Variants in AHI1 observed in about 807,000 individuals in gnomAD.
AHI1 encodes jouberin.
A neutral mutation model predicts 149.3 loss-of-function variants in AHI1; 123 were observed. The ratio of observed to expected loss-of-function variants is 0.82; its 90% confidence interval spans 0.71 to 0.96. The LOEUF (loss-of-function observed/expected upper bound fraction) is 0.96, where lower values mean the gene tolerates loss of function less well. AHI1 is among the 40% of genes least tolerant of loss of function. AHI1 has a pLI of 0.00. For missense variants in AHI1, 1,439 were observed against 1,422.7 expected (o/e 1.01, Z -0.18); for synonymous variants, 475 against 459.8 (o/e 1.03, Z -0.42).
intron 5 of AHI1, among the ~76,000 whole-genome samples, chr6:135,482,816 T>C (rs1308828672): frequency 6.6e-6 from 1 of 151,122 alleles, no homozygotes; most frequent in African/African-American, 2.4e-5. Context: ...CTGGATTTTG[T>C]TGGGAATCCT....
intron 24 of AHI1, among the ~76,000 whole-genome samples, chr6:135,339,024 T>A (rs762050468): frequency 6.6e-6 from 1 of 150,838 alleles, no homozygotes; most frequent in Non-Finnish European, 1.5e-5. Context: ...GCCTACCGGG[T>A]TCAAGTGATC....
chr6:135,401,069 TA>T (rs1363438699), intron 22 of AHI1, among the ~76,000 whole-genome samples: 1 of 152,230 alleles, frequency 6.6e-6, no homozygotes, highest in African/African-American at 2.4e-5. Context: ...GCTTGCTCAC[TA>T]CACTACTTAA....
At chr6:135,344,887 C>A (rs1161456549) in intron 24 of AHI1, among the ~76,000 whole-genome samples, 1 of 148,632 alleles carries the variant, frequency 6.7e-6, no homozygotes, top group East Asian at 2.0e-4. Context: ...TTTCTGAAAA[C>A]CAAAAATTAT....
chr6:135,433,170 G>A lies in AHI1; in HGVS notation c.2123C>T (p.Ala708Val). The change falls in exon 16 of 29, where the codon GCT becomes GTT. Residue 708 changes from alanine (A) to valine (V), a missense_variant. Ala to Val is a moderately conservative substitution (Grantham distance 64, BLOSUM62 0). Transcript: ENST00000265602. ...TCCTGTAACTACTAGCTCTCTTACAGCTGGATGGAATTTAGCCGTGTAAAC... is the reference window on the plus strand; with the variant it reads ...TCCTGTAACTACTAGCTCTCTTACAACTGGATGGAATTTAGCCGTGTAAAC... The part of the protein sequence containing the change: ...SFVYTAKFHP[A>V]VRELVVTGCY... 1 of 1,613,084 alleles carries A rather than the reference G, an allele frequency of 6.2e-7. No homozygotes were observed. The highest frequency in any genetic ancestry group is 1.3e-5 in the African/African-American group (1 of 75,022).
intron 11 of AHI1, among the ~76,000 whole-genome samples, chr6:135,451,127 G>A (rs999707839): frequency 3.9e-5 from 6 of 152,016 alleles, no homozygotes; most frequent in Non-Finnish European, 5.9e-5. Flanking sequence ...CTCCCGAGTA[G>A]CTGGGATTAC....
At chr6:135,367,616 G>T (rs1774379189) in intron 23 of AHI1, among the ~76,000 whole-genome samples, 1 of 152,008 alleles carries the variant, frequency 6.6e-6, no homozygotes, top group Admixed American at 6.5e-5. Context: ...CAGCTCTTAT[G>T]TTCTTTCTTT....
chr6:135,413,762 T>C (rs13200103), intron 20 of AHI1, among the ~76,000 whole-genome samples: 3,992 of 151,874 alleles, frequency 0.026, 74 homozygotes, highest in Non-Finnish European at 0.04. Context: ...CCATTTACTA[T>C]GGCATAAAAA....
At chr6:135,404,858 TA>T in intron 22 of AHI1, 92 bp downstream of exon 22, 1 of 1,147,572 alleles carries the variant, frequency 8.7e-7, no homozygotes. Flanking sequence ...TTAACTCTTA[TA>T]AAGGTTCCAA....
chr6:135,402,958 C>A (rs1406037822), intron 22 of AHI1, among the ~76,000 whole-genome samples: 4 of 152,020 alleles, frequency 2.6e-5, no homozygotes, highest in Admixed American at 1.3e-4. Context: ...TCCCCCTAAT[C>A]CCTGTGTTGT....
intron 5 of AHI1, among the ~76,000 whole-genome samples, chr6:135,481,570 A>C (rs1365009624): frequency 6.6e-6 from 1 of 151,990 alleles, no homozygotes; most frequent in Non-Finnish European, 1.5e-5. Context: ...TATTAAAAAA[A>C]CCTAATTATT....
At position 135,463,227 on chromosome 6, in the gene AHI1, GAGAATCTGA is replaced by G. The variant is rs1790207092; in HGVS notation, c.820_828del (p.Ser274_Ser276del). The G allele has an allele frequency of 6.2e-7, 1 of 1,609,998 alleles. No individual in the cohort carries two copies. Among genetic ancestry groups the G allele is most frequent in the Non-Finnish European group, 8.5e-7 (1 of 1,179,234 alleles). On this transcript the variant is annotated inframe_deletion, in exon 8 of 29. Coordinates refer to ENST00000265602, the MANE Select transcript of AHI1 (RefSeq NM_001134831.2). ...ATTGAGCTTATTTCATCATCTTGAT[GAGAATCTGA>G]AGAAACTGATCTAACTGAAGATTCT...
intron 7 of AHI1, among the ~76,000 whole-genome samples, chr6:135,463,767 T>G (rs1471595268): frequency 6.6e-6 from 1 of 152,192 alleles, no homozygotes; most frequent in African/African-American, 2.4e-5. Context: ...TTCTTTTTTT[T>G]TTAAGACTGG....
chr6:135,292,743 G>A (rs1782524436), intron 27 of AHI1, among the ~76,000 whole-genome samples: 1 of 152,134 alleles, frequency 6.6e-6, no homozygotes, highest in Admixed American at 6.5e-5. Flanking sequence ...AGAACTAAAG[G>A]AAATATGTAT....
intron 23 of AHI1, among the ~76,000 whole-genome samples, chr6:135,382,088 T>C (rs1776844199): frequency 6.6e-6 from 1 of 152,210 alleles, no homozygotes; most frequent in Admixed American, 6.5e-5. Flanking sequence ...AATGTTTTCT[T>C]AGAGAAAGTT....
intron 28 of AHI1, among the ~76,000 whole-genome samples, chr6:135,287,389 A>G (rs1053888641): frequency 2.0e-5 from 3 of 152,210 alleles, no homozygotes; most frequent in African/African-American, 7.2e-5. Context: ...GAGAATGACA[A>G]AGATGGCGCA....
chr6:135,477,019 T>C (rs1007808146), intron 5 of AHI1, among the ~76,000 whole-genome samples: 3 of 152,032 alleles, frequency 2.0e-5, no homozygotes, highest in Non-Finnish European at 2.9e-5. Flanking sequence ...TCCTATTTGT[T>C]TTTTGTCTCT....
intron 24 of AHI1, among the ~76,000 whole-genome samples, chr6:135,334,611 T>C (rs1789093332): frequency 6.6e-6 from 1 of 152,206 alleles, no homozygotes; most frequent in East Asian, 1.9e-4. Flanking sequence ...GGTATTACAT[T>C]GAAAAAGTTT....
chr6:135,448,534 A>G (rs771839426), intron 11 of AHI1, 59 bp from the exon 12 acceptor site: 139 of 1,255,584 alleles, frequency 1.1e-4, no homozygotes, highest in Non-Finnish European at 1.4e-4. Context: ...TATCCAATAA[A>G]GCAATAGCAT....
intron 13 of AHI1, among the ~76,000 whole-genome samples, chr6:135,446,207 C>A (rs73562096): frequency 0.031 from 4,755 of 152,220 alleles, 276 homozygotes; most frequent in African/African-American, 0.11. Context: ...AAAGCTCTAA[C>A]CCCTAACACC....
Sources: gnomAD v4.1 joint callset for allele counts (sites outside exome capture counted in the v4.1 genomes callset) on GRCh38, gnomAD v4.1.1 for gene constraint, MANE v1.5 for transcripts, NCBI Gene and HGNC (gene_info 2026-07-23, HGNC 2026-07-21) for gene names.